Variants in KMT2C observed in about 807,000 individuals in gnomAD.
The protein encoded by KMT2C is lysine methyltransferase 2C.
KMT2C carries 88 observed loss-of-function variants against 507.9 expected under a neutral mutation model. The ratio of observed to expected loss-of-function variants is 0.17; its 90% CI spans 0.15 to 0.21. The LOEUF is 0.21. Among genes scored for constraint, KMT2C ranks in the 10% least tolerant of loss-of-function variants. The pLI is 1.00. For synonymous variants in KMT2C, 2,049 were observed against 2,080.8 expected (o/e 0.98, Z 0.42); for missense variants, 4,954 against 5,957.8 (o/e 0.83, Z 5.55).
chr7:152,252,968 C>T (rs541706764), intron 9 of KMT2C, among the ~76,000 whole-genome samples: 1 of 152,138 alleles, frequency 6.6e-6, no homozygotes, highest in African/African-American at 2.4e-5. Flanking sequence ...TTCTCTCCTG[C>T]CTCAGCCTCC....
rs780574025 is a variant in KMT2C, at chr7:152,351,353, TGTGA to T, written c.250+7230_250+7233del. Among the ~76,000 whole-genome samples, 4 of 152,274 alleles carry T rather than the reference TGTGA, an allele frequency of 2.6e-5. No individual in the cohort carries two copies. In the South Asian group the frequency reaches 8.3e-4, roughly 32 times the overall value. ...GTTTACACCAGCATCACCACAAACA[TGTGA>T]GTAATGCACTATGTTGCGCTGTGCT... On this transcript the variant is annotated intron_variant, in intron 2 of 58. Coordinates refer to ENST00000262189, the MANE Select transcript of KMT2C (RefSeq NM_170606.3).
intron 14 of KMT2C, among the ~76,000 whole-genome samples, chr7:152,245,917 T>C (rs544060698): frequency 5.3e-5 from 8 of 152,234 alleles, no homozygotes; most frequent in Non-Finnish European, 1.2e-4. Flanking sequence ...TACATCACAA[T>C]CACAGCCAGG....
intron 2 of KMT2C, among the ~76,000 whole-genome samples, chr7:152,334,619 C>T (rs985256909): frequency 8.5e-5 from 13 of 152,108 alleles, no homozygotes; most frequent in African/African-American, 2.7e-4. Context: ...TGACCAGAAG[C>T]AACTGCGCAA....
chr7:152,148,910 A>G lies in KMT2C; in HGVS notation c.13017T>C (p.His4339=). The change falls in exon 52 of 59, where the codon CAT becomes CAC. Residue 4339 remains histidine, a synonymous_variant. Transcript: ENST00000262189. This position sits in a 1 kb window ranked among gnomAD's most constrained non-coding sequence, Gnocchi z 7.1. The part of the protein sequence containing the change: ...VKLKPRLRAV[H]GGFEDCRPLN... ...GCGGCCTGCAATCTTCAAACCCACC[A>G]TGGACAGCTCTTAGCCGAGGCTTCA... The G allele has an allele frequency of 6.2e-7, 1 of 1,613,988 alleles. No homozygotes were observed. The highest frequency in any genetic ancestry group is 8.5e-7 in the Non-Finnish European group (1 of 1,179,948).
chr7:152,348,873 CACAGCCACTTTGGAAG>C (rs2097086956), intron 2 of KMT2C, among the ~76,000 whole-genome samples: 1 of 152,098 alleles, frequency 6.6e-6, no homozygotes, highest in African/African-American at 2.4e-5. Context: ...TGCAAAATGG[CACAGCCACTTTGGAAG>C]ACAGCTTGGT....
Position 152,148,088 on chromosome 7 carries a change from G to A in KMT2C, c.13839C>T (p.Ile4613=). ...CTTCATGGCCTTGTTCCACAATCCT[G>A]ATGACAAACACTGGGCGCCCATCCT... ...EEKDGRPVFV[I]RIVEQGHEDL... is the part of the protein sequence containing the mutation. Residue 4613 remains isoleucine (I), a synonymous_variant, in exon 52 of 59, where the codon ATC becomes ATT. Transcript: ENST00000262189. The surrounding 1 kb of genome is among the most constrained non-coding windows in gnomAD (Gnocchi z 7.1). 2 of 1,609,366 alleles carry A rather than the reference G, an allele frequency of 1.2e-6. No individual in the cohort carries two copies. The highest frequency in any genetic ancestry group is 1.7e-6 in the Non-Finnish European group (2 of 1,176,258).
At chr7:152,419,068 T>C (rs968325932) in intron 1 of KMT2C, among the ~76,000 whole-genome samples, 4 of 151,648 alleles carry the variant, frequency 2.6e-5, no homozygotes, top group Non-Finnish European at 4.4e-5. Context: ...AGAAAAAAAA[T>C]AGACTGGGCA....
At chr7:152,316,914 C>T (rs1323791817) in intron 3 of KMT2C, among the ~76,000 whole-genome samples, 2 of 151,908 alleles carry the variant, frequency 1.3e-5, no homozygotes, top group African/African-American at 4.8e-5. Context: ...CAGTATCTTA[C>T]TATCCCCTTA....
intron 38 of KMT2C, among the ~76,000 whole-genome samples, 186 bp from the exon 39 acceptor site, chr7:152,174,428 T>A (rs2093104384): frequency 6.6e-6 from 1 of 152,222 alleles, no homozygotes; most frequent in Non-Finnish European, 1.5e-5. Context: ...CTTTAATACC[T>A]TAGTCCTGCA....
intron 3 of KMT2C, among the ~76,000 whole-genome samples, chr7:152,320,587 T>A (rs1171041782): frequency 1.6e-5 from 2 of 123,054 alleles, no homozygotes; most frequent in African/African-American, 5.1e-5. Flanking sequence ...TCAACCTGAG[T>A]TTCTCAGAAC....
chr7:152,344,850 GAAAGCATGCGCCTGT>G (rs2097040073), intron 2 of KMT2C, among the ~76,000 whole-genome samples: 1 of 152,102 alleles, frequency 6.6e-6, no homozygotes, highest in Admixed American at 6.6e-5. Flanking sequence ...AGCTGGGCAG[GAAAGCATGCGCCTGT>G]AGTCCCAGCT....
At chr7:152,145,051 G>T in intron 54 of KMT2C, 102 bp downstream of exon 54, 2 of 1,459,614 alleles carry the variant, frequency 1.4e-6, no homozygotes, top group Non-Finnish European at 1.9e-6. Flanking sequence ...CACATACACA[G>T]CCAGACAGCA....
intron 1 of KMT2C, among the ~76,000 whole-genome samples, chr7:152,360,078 G>GT (rs2097183952): frequency 1.4e-5 from 1 of 71,008 alleles, no homozygotes; most frequent in Admixed American, 2.3e-4. Context: ...GGGGGTGGGG[G>GT]GGGGGGGACA....
chr7:152,230,274 A>G lies in KMT2C; in HGVS notation c.2817T>C (p.Ser939=). 1 of 1,604,124 alleles carries G rather than the reference A, an allele frequency of 6.2e-7. No individual in the cohort carries two copies. The highest frequency in any genetic ancestry group is 8.5e-7 in the Non-Finnish European group (1 of 1,175,482). ...AAAACAACACAACTGTATTGTGCAT[A>G]GAGTTTTCTTCATCATCCTTATTTG... ...ISSNKDDEEN[S]MHNTVVLFSS... The change falls in exon 17 of 59, where the codon TCT becomes TCC. Residue 939 remains serine (S), a synonymous_variant. Transcript: ENST00000262189.
intron 1 of KMT2C, among the ~76,000 whole-genome samples, chr7:152,365,903 C>T (rs1312860957): frequency 6.6e-6 from 1 of 152,022 alleles, no homozygotes; most frequent in African/African-American, 2.4e-5. Flanking sequence ...GGACGAACAC[C>T]TGACAAAAAC....
Position 152,156,032 on chromosome 7 carries a change from T to C in KMT2C, c.11838A>G (p.Pro3946=), listed in dbSNP as rs776195991. ...HEVTKTLGPK[P]FQLPFRPQDD... ...CCTGGGGTCTGAAGGGCAGCTGAAA[T>C]GGTTTAGGTCCTAGAGTTTTGGTAA... Residue 3946 remains proline, a synonymous_variant, in exon 46 of 59, where the codon CCA becomes CCG. Coordinates refer to ENST00000262189, the MANE Select transcript of KMT2C (RefSeq NM_170606.3). The C allele has an allele frequency of 1.9e-6, 3 of 1,604,788 alleles. No homozygotes were observed. Among genetic ancestry groups the C allele is most frequent in the South Asian group, 2.2e-5 (2 of 89,408 alleles).
At chr7:152,297,055 C>CAGAGAGAGAGAGAGAGAGAG (rs769381866) in intron 6 of KMT2C, among the ~76,000 whole-genome samples, 6 of 84,400 alleles carry the variant, frequency 7.1e-5, no homozygotes, top group Non-Finnish European at 1.4e-4. Flanking sequence ...GAAAGAAAGA[C>CAGAGAGAGAGAGAGAGAGAG]AGAGAGAGAG....
chr7:152,169,110 T>G, intron 41 of KMT2C, 76 bp downstream of exon 41: 1 of 937,312 alleles, frequency 1.1e-6, no homozygotes, highest in Non-Finnish European at 1.8e-6. Flanking sequence ...TACACTCACT[T>G]CAGGTTTAGA....
At chr7:152,318,205 G>A (rs888247700) in intron 3 of KMT2C, among the ~76,000 whole-genome samples, 4 of 151,890 alleles carry the variant, frequency 2.6e-5, no homozygotes, top group Admixed American at 6.6e-5. Context: ...AATAGCATAC[G>A]AAATCTTACT....
Sources: gnomAD v4.1 joint callset for allele counts (sites outside exome capture counted in the v4.1 genomes callset) on GRCh38, gnomAD v4.1.1 for gene constraint, Gnocchi (gnomAD v3.1) non-coding constraint, MANE v1.5 for transcripts, NCBI Gene and HGNC (gene_info 2026-07-23, HGNC 2026-07-21) for gene names.